Variants in TMEM232 observed in about 807,000 individuals in gnomAD.
The protein encoded by TMEM232 is transmembrane protein 232.
A neutral mutation model predicts 78.8 loss-of-function variants in TMEM232; 80 were observed. The observed-to-expected ratio is 1.01, with a 90% CI of 0.85 to 1.22. The LOEUF is 1.22. Ranked by LOEUF, TMEM232 falls within the 50% of genes most tolerant of loss-of-function variation. The pLI is 0.00. For synonymous variants in TMEM232, 297 were observed against 254.3 expected (o/e 1.17, Z -1.60); for missense variants, 881 against 742.2 (o/e 1.19, Z -2.17).
chr5:110,736,011 A>G (rs1799122061), intron 1 of TMEM232, among the ~76,000 whole-genome samples: 1 of 152,176 alleles, frequency 6.6e-6, no homozygotes, highest in Non-Finnish European at 1.5e-5. Context: ...TACAGAAACT[A>G]TGAGATATTA....
At chr5:110,458,936 A>C (rs768152077) in intron 12 of TMEM232, among the ~76,000 whole-genome samples, 1 of 152,122 alleles carries the variant, frequency 6.6e-6, no homozygotes, top group South Asian at 2.1e-4. Flanking sequence ...TATTCTACTG[A>C]GTTATTTTTT....
At chr5:110,621,457 T>A (rs1487759842) in intron 7 of TMEM232, among the ~76,000 whole-genome samples, 1 of 152,082 alleles carries the variant, frequency 6.6e-6, no homozygotes, top group African/African-American at 2.4e-5. Flanking sequence ...ATTTGAAAAA[T>A]AATTATATAT....
At chr5:110,394,011 T>C (rs980319984) in intron 3 of TMEM232, among the ~76,000 whole-genome samples, 1 of 151,708 alleles carries the variant, frequency 6.6e-6, no homozygotes, top group Admixed American at 6.6e-5. Flanking sequence ...AGTCACCATG[T>C]GGTGCTATGA....
intron 11 of TMEM232, among the ~76,000 whole-genome samples, chr5:110,540,302 G>A (rs1772939884): frequency 6.6e-6 from 1 of 152,174 alleles, no homozygotes; most frequent in African/African-American, 2.4e-5. Flanking sequence ...TATTTTAGTG[G>A]AAGGAGCCAC....
chr5:110,642,403 A>C, intron 2 of TMEM232, 32 bp from the exon 3 acceptor site: 4 of 1,442,836 alleles, frequency 2.8e-6, no homozygotes, highest in Non-Finnish European at 3.7e-6. Context: ...TAACATTTAA[A>C]AAGTATAGCT....
At chr5:110,528,265 T>G in intron 12 of TMEM232, among the ~76,000 whole-genome samples, 1 of 151,934 alleles carries the variant, frequency 6.6e-6, no homozygotes. Flanking sequence ...TGTATATATA[T>G]GTATGTATAT....
chr5:110,725,416 A>G (rs1210510218), intron 1 of TMEM232, among the ~76,000 whole-genome samples: 1 of 152,216 alleles, frequency 6.6e-6, no homozygotes, highest in East Asian at 1.9e-4. Context: ...GTGAGCAGAC[A>G]CTTTACCAGG....
intron 11 of TMEM232, among the ~76,000 whole-genome samples, chr5:110,538,816 T>C (rs891946567): frequency 7.6e-6 from 1 of 130,728 alleles, no homozygotes; most frequent in African/African-American, 3.9e-5. Context: ...AATTCAGTTG[T>C]TTTTTTTTTT....
intron 12 of TMEM232, among the ~76,000 whole-genome samples, chr5:110,449,663 A>G (rs541659693): frequency 3.9e-5 from 6 of 152,272 alleles, no homozygotes; most frequent in African/African-American, 1.4e-4. Flanking sequence ...CAGTGTATCT[A>G]AAACTGAAGT....
At chr5:110,720,968 A>G (rs1797530378) in intron 1 of TMEM232, 1 of 152,142 alleles carries the variant, frequency 6.6e-6, no homozygotes, top group Non-Finnish European at 1.5e-5. Context: ...AGTGAGATGA[A>G]CATACAAAAT....
In TMEM232 at chr5:110,617,201, C is replaced by G. The variant is rs145386935; in HGVS notation, c.902+1228G>C. On this transcript the variant is annotated intron_variant, in intron 8 of 13. Coordinates refer to ENST00000455884, the MANE Select transcript of TMEM232 (RefSeq NM_001039763.4). ...AAATAAATACTGCATAACCTCACTT[C>G]TATGTGGAATCTATAAAAGCCGAAC... Among the ~76,000 whole-genome samples the G allele has an allele frequency of 9.7e-3, 1,482 of 152,246 alleles. 33 individuals carry two copies. The highest frequency in any genetic ancestry group is 0.033 in the African/African-American group (1,384 of 41,526).
chr5:110,652,528 T>C (rs952437004), intron 2 of TMEM232, among the ~76,000 whole-genome samples: 2 of 152,218 alleles, frequency 1.3e-5, no homozygotes, highest in Non-Finnish European at 1.5e-5. Context: ...TTTTTCAATA[T>C]GGATTATGGC....
At chr5:110,616,943 A>T (rs1274221462) in intron 8 of TMEM232, among the ~76,000 whole-genome samples, 1 of 152,198 alleles carries the variant, frequency 6.6e-6, no homozygotes, top group East Asian at 1.9e-4. Flanking sequence ...ATCCCAAAAA[A>T]GTGAAATCAG....
rs557759778 is a variant in TMEM232 at position 110,688,152 on chromosome 5, T to C, written c.-12-20788A>G. 3.3e-5 allele frequency among the ~76,000 whole-genome samples: 5 copies of C among 151,958 alleles called. No homozygotes were observed. In the South Asian group the frequency reaches 1.0e-3, roughly 32 times the overall value. On this transcript the variant is annotated intron_variant, in intron 1 of 13. Coordinates refer to ENST00000455884, the MANE Select transcript of TMEM232 (RefSeq NM_001039763.4). ...TAATAGTCTTGCTTTGACAATTAAG[T>C]TATTAATTTATCCACAAATGAGTTC...
At chr5:110,662,476 CTTTAA>C (rs927755350) in intron 2 of TMEM232, among the ~76,000 whole-genome samples, 1 of 152,056 alleles carries the variant, frequency 6.6e-6, no homozygotes, top group African/African-American at 2.4e-5. Flanking sequence ...TAAAAACTCC[CTTTAA>C]TTTTTCAAAA....
chr5:110,622,693 T>C (rs1783905881), intron 7 of TMEM232, among the ~76,000 whole-genome samples: 1 of 152,082 alleles, frequency 6.6e-6, no homozygotes, highest in South Asian at 2.1e-4. Context: ...TTACAGTCCT[T>C]TGGGTATATA....
At chr5:110,607,245 A>T (rs956685150) in intron 8 of TMEM232, among the ~76,000 whole-genome samples, 5 of 151,948 alleles carry the variant, frequency 3.3e-5, no homozygotes, top group Non-Finnish European at 7.4e-5. Flanking sequence ...ACCTTTTTTC[A>T]TACTAGAAAA....
chr5:110,482,956 G>A (rs532099729), intron 12 of TMEM232, among the ~76,000 whole-genome samples: 6 of 152,218 alleles, frequency 3.9e-5, no homozygotes, highest in South Asian at 4.1e-4. Flanking sequence ...AAAATGAGCA[G>A]ACACTAATTT....
intron 11 of TMEM232, among the ~76,000 whole-genome samples, chr5:110,565,704 C>T (rs1776265095): frequency 6.6e-6 from 1 of 151,904 alleles, no homozygotes. Flanking sequence ...TTTAAACATT[C>T]TCCAGTTATG....
Sources: gnomAD v4.1 joint callset for allele counts (sites outside exome capture counted in the v4.1 genomes callset) on GRCh38, gnomAD v4.1.1 for gene constraint, MANE v1.5 for transcripts, NCBI Gene and HGNC (gene_info 2026-07-23, HGNC 2026-07-21) for gene names.